NOX3: variants seen among roughly 807,000 people sequenced by gnomAD.
NOX3 encodes NADPH oxidase 3, also known as NADPH oxidase catalytic subunit-like 3.
NOX3 carries 74 observed loss-of-function variants against 76.7 expected under a neutral mutation model. The observed-to-expected ratio is 0.96, with a 90% CI of 0.80 to 1.17. NOX3 has a LOEUF of 1.17. NOX3 is among the 50% of genes most tolerant of loss of function. The probability of loss-of-function intolerance (pLI) is 0.00; values close to 1 mark genes in which losing one functional copy is unlikely to be tolerated. For missense variants in NOX3, 695 were observed against 703.3 expected (o/e 0.99, Z 0.13); for synonymous variants, 263 against 261.1 (o/e 1.01, Z -0.07).
chr6:155,398,398 T>C (rs1779167831), intron 12 of NOX3, among the ~76,000 whole-genome samples: 2 of 152,166 alleles, frequency 1.3e-5, no homozygotes, highest in Non-Finnish European at 2.9e-5. Flanking sequence ...GAAGTGCCTA[T>C]AGAGCCTAGT....
chr6:155,454,939 C>T lies in NOX3; in HGVS notation c.145-18G>A, dbSNP rs756893806. 6.3e-7 allele frequency: 1 copy of T among 1,595,252 alleles called. No individual in the cohort carries two copies. The highest frequency in any genetic ancestry group is 8.6e-7 in the Non-Finnish European group (1 of 1,165,984). ...AGTGTTGACTGTCCACATGTAAAGACATAAAAAAGAGATTCAGGGAAAACA... is the reference window on the plus strand; with the variant it reads ...AGTGTTGACTGTCCACATGTAAAGATATAAAAAAGAGATTCAGGGAAAACA... On this transcript the variant is annotated intron_variant, in intron 2 of 13. Coordinates refer to ENST00000159060, the MANE Select transcript of NOX3 (RefSeq NM_015718.3).
intron 9 of NOX3, among the ~76,000 whole-genome samples, chr6:155,424,950 T>C (rs1255235678): frequency 6.6e-6 from 1 of 152,216 alleles, no homozygotes; most frequent in Admixed American, 6.5e-5. Flanking sequence ...ATAAACAAAT[T>C]TCTACATCTT....
rs1777190429 is a variant in NOX3, at chr6:155,454,832, T to A, written c.234A>T (p.Ser78=). 6.3e-7 allele frequency: 1 copy of A among 1,591,432 alleles called. No homozygotes were observed. The highest frequency in any genetic ancestry group is 2.2e-5 in the East Asian group (1 of 44,646). Reference sequence around the variant, plus strand: ...TTACAATACTTGTTCCTCTTATGAATGAAATAAGGTTTCGACTGACAGGTA... The same window carrying A: ...TTACAATACTTGTTCCTCTTATGAAAGAAATAAGGTTTCGACTGACAGGTA... ...ILIPVSRNLI[S]FIRGTSICCR... The change falls in exon 3 of 14, where the codon TCA becomes TCT. Residue 78 remains serine (S), a synonymous_variant. Coordinates refer to ENST00000159060, the MANE Select transcript of NOX3 (RefSeq NM_015718.3).
At chr6:155,429,188 A>G in intron 8 of NOX3, 141 bp from the exon 9 acceptor site, 1 of 759,026 alleles carries the variant, frequency 1.3e-6, no homozygotes, top group Admixed American at 3.2e-5. Flanking sequence ...TAGCTCCCAA[A>G]GATATGTGCC....
chr6:155,406,336 T>G (rs530056020), intron 12 of NOX3, among the ~76,000 whole-genome samples: 2 of 152,286 alleles, frequency 1.3e-5, no homozygotes, highest in Admixed American at 1.3e-4. Context: ...ATAAGCTGCC[T>G]CTTCCAAGGT....
At chr6:155,443,150 T>A in intron 5 of NOX3, 123 bp downstream of exon 5, 1 of 1,066,440 alleles carries the variant, frequency 9.4e-7, no homozygotes, top group Non-Finnish European at 1.3e-6. Context: ...TGAAAACAAA[T>A]TCACATATAA....
At chr6:155,442,031 G>A (rs1776994992) in intron 5 of NOX3, among the ~76,000 whole-genome samples, 2 of 152,172 alleles carry the variant, frequency 1.3e-5, no homozygotes, top group Non-Finnish European at 2.9e-5. Flanking sequence ...TTGGGAGGCC[G>A]AGGTGGGCGG....
rs942421350 is a variant in NOX3, at chr6:155,429,109, T to C, written c.892-62A>G. 4.9e-6 allele frequency: 7 copies of C among 1,441,494 alleles called. No individual in the cohort carries two copies. The African/African-American group carries it at 7.2e-5, about 15-fold the overall frequency. 89.3% of individuals were successfully genotyped at this position (1,441,494 alleles called of 1,614,324 possible). A position where few individuals can be genotyped will look rare whatever the true frequency, so the allele number is the denominator to read the frequency against. ...CGAAATAATAAAGAAACACCTTTCA[T>C]TCCATCAAAGGTGTTGAAAATTTTA... is the stretch of plus-strand genomic sequence containing the variant. On this transcript the variant is annotated intron_variant, in intron 8 of 13. Transcript: ENST00000159060.
chr6:155,399,911 A>T (rs1387028840), intron 12 of NOX3, among the ~76,000 whole-genome samples: 1 of 152,204 alleles, frequency 6.6e-6, no homozygotes, highest in Non-Finnish European at 1.5e-5. Context: ...CCTGCAAGCC[A>T]CAGAGCTTGC....
At chr6:155,412,777 A>G (rs904373281) in intron 10 of NOX3, among the ~76,000 whole-genome samples, 5 of 152,180 alleles carry the variant, frequency 3.3e-5, no homozygotes, top group Non-Finnish European at 7.3e-5. Flanking sequence ...TGATTCAACA[A>G]ATATGTATTG....
At chr6:155,436,119 G>T (rs982022418) in intron 7 of NOX3, among the ~76,000 whole-genome samples, 1 of 152,146 alleles carries the variant, frequency 6.6e-6, no homozygotes, top group Non-Finnish European at 1.5e-5. Context: ...CACAAAGAAG[G>T]GTGGTGAGGC....
chr6:155,412,542 A>G (rs948634424), intron 10 of NOX3, among the ~76,000 whole-genome samples: 1 of 152,196 alleles, frequency 6.6e-6, no homozygotes, highest in African/African-American at 2.4e-5. Context: ...CCTGTTCACA[A>G]GGGGACTTAA....
chr6:155,409,883 C>T (rs1194972297), intron 11 of NOX3, among the ~76,000 whole-genome samples: 2 of 151,994 alleles, frequency 1.3e-5, no homozygotes, highest in African/African-American at 2.4e-5. Context: ...ATTGTGTTGT[C>T]GCCAAATCAA....
At chr6:155,425,251 C>A (rs1195081933) in intron 9 of NOX3, among the ~76,000 whole-genome samples, 1 of 152,098 alleles carries the variant, frequency 6.6e-6, no homozygotes, top group Admixed American at 6.5e-5. Flanking sequence ...TCATGACATC[C>A]CAGTTGTTCT....
intron 12 of NOX3, among the ~76,000 whole-genome samples, chr6:155,398,246 T>C (rs1779165497): frequency 6.6e-6 from 1 of 152,168 alleles, no homozygotes; most frequent in Non-Finnish European, 1.5e-5. Flanking sequence ...AAGGAATGCA[T>C]GTTTAGTGAG....
intron 12 of NOX3, among the ~76,000 whole-genome samples, chr6:155,406,707 C>A (rs1031514771): frequency 6.6e-6 from 1 of 152,160 alleles, no homozygotes; most frequent in Admixed American, 6.6e-5. Flanking sequence ...GGATTTACAG[C>A]CAGATGCTGG....
rs1554264835 is a variant in NOX3 at position 155,445,981 on chromosome 6, C to CTATATATATATAATATATATATGCTATA, written c.341-2564_341-2563insTATAGCATATATATATTATATATATATA. On this transcript the variant is annotated intron_variant, in intron 4 of 13. Coordinates refer to ENST00000159060, the MANE Select transcript of NOX3 (RefSeq NM_015718.3). ...GCTATATATATATAATATATATATGCTATATATATATATATAATATATATA... is the reference window on the plus strand; with the variant it reads ...GCTATATATATATAATATATATATGCTATATATATATAATATATATATGCTATATATATATATATATATAATATATATA... Among the ~76,000 whole-genome samples the CTATATATATATAATATATATATGCTATA allele has an allele frequency of 5.3e-3, 557 of 104,114 alleles. 3 individuals are homozygous for CTATATATATATAATATATATATGCTATA. Among genetic ancestry groups the CTATATATATATAATATATATATGCTATA allele is most frequent in the Middle Eastern group, 0.038 (7 of 182 alleles). 68.3% of individuals were successfully genotyped at this position (104,114 alleles called of 152,430 possible).
intron 12 of NOX3, among the ~76,000 whole-genome samples, chr6:155,403,621 C>G (rs907301140): frequency 6.6e-6 from 1 of 152,126 alleles, no homozygotes; most frequent in Non-Finnish European, 1.5e-5. Context: ...AGTACGTTTC[C>G]GCACTTCACT....
At chr6:155,413,002 A>G (rs983386622) in intron 10 of NOX3, among the ~76,000 whole-genome samples, 1 of 152,212 alleles carries the variant, frequency 6.6e-6, no homozygotes, top group Non-Finnish European at 1.5e-5. Context: ...GAATGGTCAA[A>G]CGGGGGCTCA....
Sources: allele counts gnomAD v4.1 joint callset (sites outside exome capture counted in the v4.1 genomes callset), GRCh38; gene constraint gnomAD v4.1.1; transcripts MANE v1.5; gene names NCBI Gene and HGNC (gene_info 2026-07-23, HGNC 2026-07-21).